The following DRICH1 variants were observed in gnomAD, a reference collection of about 807,000 sequenced individuals.
DRICH1 encodes aspartate rich 1, also known as aspartate-rich protein 1.
In DRICH1, 38 loss-of-function variants were observed where a neutral mutation model predicts 39.5. The observed-to-expected ratio is 0.96, with a 90% CI of 0.74 to 1.26. The LOEUF is 1.26. Ranked by LOEUF, DRICH1 falls within the 50% of genes most tolerant of loss-of-function variation. The probability of loss-of-function intolerance (pLI) is 0.00; values close to 1 mark genes in which losing one functional copy is unlikely to be tolerated. For missense variants in DRICH1, 279 were observed against 270.4 expected (o/e 1.03, Z -0.22); for synonymous variants, 84 against 99.5 (o/e 0.84, Z 0.93).
intron 3 of DRICH1, among the ~76,000 whole-genome samples, chr22:23,622,673 G>A (rs1927824916): frequency 3.5e-5 from 3 of 86,586 alleles, no homozygotes; most frequent in African/African-American, 1.3e-4. Flanking sequence ...CTTTTTCATA[G>A]AGACCATTTA....
the DRICH1 span, among the ~76,000 whole-genome samples, chr22:23,582,583 T>TATTA: frequency 6.7e-6 from 1 of 149,600 alleles, no homozygotes; most frequent in Non-Finnish European, 1.5e-5. Context: ...ATTATTATTT[T>TATTA]GAGATGGAGT....
chr22:23,589,519 A>T, the DRICH1 span, among the ~76,000 whole-genome samples: 1 of 151,958 alleles, frequency 6.6e-6, no homozygotes, highest in Non-Finnish European at 1.5e-5. Context: ...TGTATATATA[A>T]AATAAAAAAT....
At chr22:23,605,536 G>T (rs979401375), downstream of DRICH1, among the ~76,000 whole-genome samples, 1 of 152,026 alleles carries the variant, frequency 6.6e-6, no homozygotes, top group Admixed American at 6.6e-5. Flanking sequence ...GGAGGAGGAG[G>T]GGGAGAGGAA....
Position 23,631,951 on chromosome 22 carries a change from C to T in DRICH1, c.73G>A (p.Glu25Lys). Residue 25 changes from glutamate to lysine, a missense_variant, in exon 1 of 12, where the codon GAA becomes AAA. Transcript: ENST00000317749. ...GTCTCATAAATATCAGTATCAGATT[C>T]ATAACAGGGTGCGTCCTTCCCCCTG... ...WPRGKDAPCY[E>K]SDTDIYETVA... The T allele has an allele frequency of 6.2e-7, 1 of 1,613,800 alleles. No individual in the cohort carries two copies. Among genetic ancestry groups the T allele is most frequent in the Non-Finnish European group, 8.5e-7 (1 of 1,180,034 alleles).
At chr22:23,610,041 C>T (rs1050128875) in intron 11 of DRICH1, among the ~76,000 whole-genome samples, 2 of 152,210 alleles carry the variant, frequency 1.3e-5, no homozygotes, top group South Asian at 2.1e-4. Flanking sequence ...TCTGAGGAGC[C>T]CTCTGGTTCT....
chr22:23,621,986 T>A (rs1927766755), intron 4 of DRICH1, 105 bp downstream of exon 4: 1 of 964,754 alleles, frequency 1.0e-6, no homozygotes, highest in East Asian at 2.4e-5. Flanking sequence ...CTCACTTTTG[T>A]TGTTTATAGC....
intron 1 of DRICH1, among the ~76,000 whole-genome samples, chr22:23,626,384 A>C (rs1261814148): frequency 6.6e-6 from 1 of 152,250 alleles, no homozygotes; most frequent in Admixed American, 6.5e-5. Flanking sequence ...AAATGGTTAC[A>C]AACACAGCAC....
chr22:23,597,796 G>T, the DRICH1 span, among the ~76,000 whole-genome samples: 4 of 152,020 alleles, frequency 2.6e-5, no homozygotes, highest in African/African-American at 9.7e-5. Context: ...CCTGGTGGGG[G>T]GCTGGGGCTG....
intron 8 of DRICH1, 39 bp from the exon 9 acceptor site, chr22:23,614,253 T>G: frequency 4.8e-4 from 707 of 1,466,216 alleles, no homozygotes; most frequent in Non-Finnish European, 6.2e-4. Context: ...CACCGGTGGT[T>G]GGTGACTCTG....
intron 10 of DRICH1, 110 bp from the exon 11 acceptor site, chr22:23,613,440 G>T: frequency 1.0e-6 from 1 of 991,144 alleles, no homozygotes; most frequent in Non-Finnish European, 1.6e-6. Context: ...ACTCCATGCT[G>T]CTTCATACAT....
Position 23,608,720 on chromosome 22 carries a change from C to A in DRICH1, c.*44G>T. On this transcript the variant is annotated 3_prime_UTR_variant, in exon 12 of 12. Coordinates refer to ENST00000317749, the MANE Select transcript of DRICH1 (RefSeq NM_016449.4). ...CTGGGGACCCTGCAGCACGCGCTGG[C>A]CTGCCCTTTGGGTCAGCACCCTGGT... 6.4e-7 allele frequency: 1 copy of A among 1,551,874 alleles called. No homozygotes were observed.
chr22:23,589,442 CTG>C, the DRICH1 span, among the ~76,000 whole-genome samples: 1 of 151,626 alleles, frequency 6.6e-6, no homozygotes, highest in Admixed American at 6.6e-5. Context: ...CAGAGCAACA[CTG>C]TCTCATTAAA....
rs1397327123 is a variant in DRICH1, at chr22:23,618,100, T to C, written c.437-443A>G. Among the ~76,000 whole-genome samples the C allele has an allele frequency of 3.3e-5, 5 of 151,582 alleles. No homozygotes were observed. The South Asian group carries it at 1.0e-3, about 32-fold the overall frequency. On this transcript the variant is annotated intron_variant, in intron 6 of 11. Transcript: ENST00000317749. ...ATTTTACCCAAATTACTCTATTCTA[T>C]TGATCACACATTCTTTTTTTTTTTT...
chr22:23,602,798 C>T, the DRICH1 span, among the ~76,000 whole-genome samples: 1 of 151,948 alleles, frequency 6.6e-6, no homozygotes, highest in Non-Finnish European at 1.5e-5. Context: ...TTATTAGCTA[C>T]ACCAAAAAGA....
downstream of DRICH1, chr22:23,608,405 T>C (rs1173666426): frequency 9.8e-6 from 3 of 307,274 alleles, no homozygotes; most frequent in African/African-American, 2.1e-5. Context: ...GTGGAAACCC[T>C]GAGCCCCTCA....
intron 4 of DRICH1, among the ~76,000 whole-genome samples, chr22:23,621,259 A>G (rs1602343539): frequency 1.3e-5 from 2 of 152,140 alleles, no homozygotes; most frequent in South Asian, 4.2e-4. Context: ...AAAGAAGTTT[A>G]GTCTAAGTTG....
chr22:23,630,800 C>A (rs1402382183), intron 1 of DRICH1: 1 of 152,192 alleles, frequency 6.6e-6, no homozygotes, highest in African/African-American at 2.4e-5. Context: ...TCTCACACTG[C>A]ACTCCAGGTC....
At position 23,614,106 on chromosome 22, in the gene DRICH1, T is replaced by C. The variant is rs528636610; in HGVS notation, c.621+29A>G. 1.1e-5 allele frequency: 16 copies of C among 1,457,494 alleles called. No homozygotes were observed. The African/African-American group carries it at 1.9e-4, about 18-fold the overall frequency. 90.3% of individuals were successfully genotyped at this position (1,457,494 alleles called of 1,614,324 possible). A position where few individuals can be genotyped will look rare whatever the true frequency, so the allele number is the denominator to read the frequency against. ...AAAGGAATCAGGAAAGCAACATTGC[T>C]GTAGAAGACAAAAAAAGGGAGGTCT... On this transcript the variant is annotated intron_variant, in intron 9 of 11. Coordinates refer to ENST00000317749, the MANE Select transcript of DRICH1 (RefSeq NM_016449.4).
chr22:23,605,672 C>T (rs1926687069), downstream of DRICH1, among the ~76,000 whole-genome samples: 1 of 152,134 alleles, frequency 6.6e-6, no homozygotes, highest in Non-Finnish European at 1.5e-5. Context: ...CTGCCCTATC[C>T]AGAGGACTGG....
Sources: allele counts gnomAD v4.1 joint callset (sites outside exome capture counted in the v4.1 genomes callset), GRCh38; gene constraint gnomAD v4.1.1; transcripts MANE v1.5; gene names NCBI Gene and HGNC (gene_info 2026-07-23, HGNC 2026-07-21).